GPD2: variants seen among roughly 807,000 people sequenced by gnomAD.
The protein encoded by GPD2 is glycerol-3-phosphate dehydrogenase 2, also known as glycerol-3-phosphate dehydrogenase, mitochondrial.
In GPD2, 54 loss-of-function variants were observed where a neutral mutation model predicts 82.4. The observed-to-expected ratio is 0.66, with a 90% confidence interval of 0.53 to 0.82. GPD2 has a LOEUF of 0.82. Ranked by LOEUF, GPD2 falls within the 40% of genes least tolerant of loss-of-function variation. GPD2 has a pLI of 0.00. For synonymous variants in GPD2, 288 were observed against 306.1 expected (o/e 0.94, Z 0.62); for missense variants, 748 against 896.2 (o/e 0.83, Z 2.11).
intron 3 of GPD2, among the ~76,000 whole-genome samples, chr2:156,502,624 G>C (rs930695108): frequency 3.9e-5 from 6 of 152,014 alleles, no homozygotes; most frequent in East Asian, 1.9e-4. Context: ...ATGAGGTCTT[G>C]CTGCATTGCC....
intron 2 of GPD2, among the ~76,000 whole-genome samples, chr2:156,477,200 G>A (rs577516215): frequency 1.3e-5 from 2 of 152,294 alleles, no homozygotes; most frequent in South Asian, 4.1e-4. Context: ...GGAGGCCAGG[G>A]CAGGCAGATC....
chr2:156,443,026 A>T (rs1682232216), intron 1 of GPD2, among the ~76,000 whole-genome samples: 1 of 152,106 alleles, frequency 6.6e-6, no homozygotes, highest in African/African-American at 2.4e-5. Context: ...TGATCCAGTC[A>T]TATTGGACTG....
the GPD2 span, among the ~76,000 whole-genome samples, chr2:156,424,574 T>C: frequency 6.6e-6 from 1 of 152,236 alleles, no homozygotes; most frequent in South Asian, 2.1e-4. Context: ...GGAAACAGAT[T>C]AAAATGAAAG....
At chr2:156,462,586 G>A (rs559283789) in intron 1 of GPD2, among the ~76,000 whole-genome samples, 9 of 152,000 alleles carry the variant, frequency 5.9e-5, no homozygotes, top group Middle Eastern at 3.4e-3. Context: ...ACAGGCATGA[G>A]CCACCGCACC....
At position 156,562,403 on chromosome 2, in the gene GPD2, G is replaced by T. The variant is rs373920596; in HGVS notation, c.1165+4821G>T. Among the ~76,000 whole-genome samples the T allele has an allele frequency of 4.6e-5, 7 of 152,174 alleles. No individual in the cohort carries two copies. The South Asian group carries it at 6.2e-4, about 14-fold the overall frequency. On this transcript the variant is annotated intron_variant, in intron 9 of 16. Coordinates refer to ENST00000438166, the MANE Select transcript of GPD2 (RefSeq NM_000408.5). The stretch of plus-strand genomic sequence containing the variant: ...AGTGTCACACGCTTTGCTTTTTCTA[G>T]TTTCATTAGTTTATAAATGTAATAT...
At chr2:156,469,053 C>T (rs1471890630) in intron 1 of GPD2, among the ~76,000 whole-genome samples, 1 of 152,172 alleles carries the variant, frequency 6.6e-6, no homozygotes, top group Non-Finnish European at 1.5e-5. Context: ...ATTTTTAGCT[C>T]CCACAAATGA....
chr2:156,503,493 G>A (rs892978343), intron 3 of GPD2, among the ~76,000 whole-genome samples: 1 of 152,084 alleles, frequency 6.6e-6, no homozygotes, highest in Non-Finnish European at 1.5e-5. Context: ...TCAAAGCTGA[G>A]CTTACAATGT....
At chr2:156,421,402 C>T in the GPD2 span, among the ~76,000 whole-genome samples, 1 of 152,156 alleles carries the variant, frequency 6.6e-6, no homozygotes, top group Admixed American at 6.5e-5. Flanking sequence ...CAGTTCTGTA[C>T]TTTTCCTGGG....
the GPD2 span, among the ~76,000 whole-genome samples, chr2:156,424,203 A>G: frequency 7.8e-4 from 3 of 3,828 alleles, no homozygotes; most frequent in African/African-American, 8.0e-4. Context: ...TTAAATAAGG[A>G]AAAAAAAAAA....
At chr2:156,482,871 C>G (rs1259197669) in intron 2 of GPD2, among the ~76,000 whole-genome samples, 1 of 152,054 alleles carries the variant, frequency 6.6e-6, no homozygotes, top group African/African-American at 2.4e-5. Context: ...TAAGCCTATA[C>G]TACCTTTGTT....
At chr2:156,438,520 C>T (rs1191073077) in intron 1 of GPD2, among the ~76,000 whole-genome samples, 1 of 151,970 alleles carries the variant, frequency 6.6e-6, no homozygotes, top group African/African-American at 2.4e-5. Flanking sequence ...AGAGGAGAGG[C>T]GAGTTAGTGG....
chr2:156,564,606 A>G (rs754091642), intron 9 of GPD2, among the ~76,000 whole-genome samples: 1 of 152,088 alleles, frequency 6.6e-6, no homozygotes, highest in Admixed American at 6.6e-5. Flanking sequence ...TTAATACTTC[A>G]GTGGCAAATA....
intron 1 of GPD2, among the ~76,000 whole-genome samples, chr2:156,458,754 C>T (rs561273933): frequency 6.6e-6 from 1 of 152,158 alleles, no homozygotes; most frequent in Non-Finnish European, 1.5e-5. Flanking sequence ...GCATGGTGCT[C>T]TTTGGAATTC....
chr2:156,490,396 A>C (rs896122945), intron 2 of GPD2, among the ~76,000 whole-genome samples: 1 of 151,896 alleles, frequency 6.6e-6, no homozygotes, highest in East Asian at 1.9e-4. Context: ...GGAAAAAAAA[A>C]AAAAACAAAA....
intron 6 of GPD2, among the ~76,000 whole-genome samples, chr2:156,519,408 C>T (rs1478391407): frequency 6.6e-6 from 1 of 152,082 alleles, no homozygotes; most frequent in Non-Finnish European, 1.5e-5. Flanking sequence ...AAACAAAGAA[C>T]TATTGAATAA....
chr2:156,490,608 T>C (rs1684139874), intron 2 of GPD2, among the ~76,000 whole-genome samples: 1 of 152,208 alleles, frequency 6.6e-6, no homozygotes, highest in Non-Finnish European at 1.5e-5. Flanking sequence ...TAAATTTTTT[T>C]CTCAAATTAT....
chr2:156,507,014 A>T (rs1274788037), intron 3 of GPD2, among the ~76,000 whole-genome samples: 1 of 151,412 alleles, frequency 6.6e-6, no homozygotes, highest in Non-Finnish European at 1.5e-5. Flanking sequence ...TGCATGCTAC[A>T]TCTTTTTTTT....
chr2:156,539,026 A>G (rs1017265324), intron 6 of GPD2, among the ~76,000 whole-genome samples: 2 of 152,146 alleles, frequency 1.3e-5, no homozygotes, highest in Non-Finnish European at 2.9e-5. Context: ...CAAGCCCCAT[A>G]TAAAGTTTCC....
At chr2:156,462,121 C>T (rs561953688) in intron 1 of GPD2, among the ~76,000 whole-genome samples, 16 of 152,218 alleles carry the variant, frequency 1.1e-4, no homozygotes, top group Non-Finnish European at 2.1e-4. Flanking sequence ...TGCAGGAGAG[C>T]ACAGAAAAAT....
Sources: allele counts gnomAD v4.1 joint callset (sites outside exome capture counted in the v4.1 genomes callset), GRCh38; gene constraint gnomAD v4.1.1; transcripts MANE v1.5; gene names NCBI Gene and HGNC (gene_info 2026-07-23, HGNC 2026-07-21).